PCSK5: variants seen among roughly 807,000 people sequenced by gnomAD.
PCSK5 encodes prohormone convertase 5.
Under a neutral mutation model 233.2 loss-of-function variants are expected in PCSK5, and 129 were observed. That is an observed-to-expected ratio of 0.55 (90% CI 0.48 to 0.64). PCSK5 has a LOEUF of 0.64. Among genes scored for constraint, PCSK5 ranks in the 30% least tolerant of loss-of-function variants. PCSK5 has a pLI of 0.00. For missense variants in PCSK5, 2,076 were observed against 2,430.1 expected (o/e 0.85, Z 3.06); for synonymous variants, 825 against 879.2 (o/e 0.94, Z 1.09).
intron 22 of PCSK5, 115 bp downstream of exon 22, chr9:76,233,711 A>G: frequency 1.1e-6 from 1 of 917,934 alleles, no homozygotes; most frequent in East Asian, 2.4e-5. Flanking sequence ...AAGATCAGAC[A>G]GCTGTTCACT....
chr9:76,352,168 C>T (rs1386719666), intron 36 of PCSK5, among the ~76,000 whole-genome samples: 10 of 152,132 alleles, frequency 6.6e-5, no homozygotes, highest in East Asian at 1.9e-4. Context: ...CTTAATGATA[C>T]GCTAAACAAA....
chr9:76,076,048 G>C (rs1323744593), intron 7 of PCSK5, among the ~76,000 whole-genome samples: 1 of 152,198 alleles, frequency 6.6e-6, no homozygotes, highest in Non-Finnish European at 1.5e-5. Context: ...AGCTGCCTTA[G>C]TTAGGGAAGA....
chr9:76,318,888 G>GA (rs892546012), intron 30 of PCSK5, among the ~76,000 whole-genome samples: 1 of 151,872 alleles, frequency 6.6e-6, no homozygotes, highest in Admixed American at 6.6e-5. Flanking sequence ...CTAACAAAAA[G>GA]AAAAAAATAA....
intron 24 of PCSK5, among the ~76,000 whole-genome samples, chr9:76,263,826 G>A (rs1012497568): frequency 6.6e-6 from 1 of 151,626 alleles, no homozygotes; most frequent in African/African-American, 2.4e-5. Context: ...CAAACAAATG[G>A]AAAAATATCC....
At chr9:76,335,350 A>G (rs1002917061) in intron 34 of PCSK5, among the ~76,000 whole-genome samples, 1 of 152,246 alleles carries the variant, frequency 6.6e-6, no homozygotes, top group African/African-American at 2.4e-5. Flanking sequence ...TTAATAAAGA[A>G]GAAATGGAAT....
At chr9:76,004,116 T>C (rs796853829) in intron 3 of PCSK5, among the ~76,000 whole-genome samples, 3 of 152,272 alleles carry the variant, frequency 2.0e-5, no homozygotes, top group African/African-American at 7.2e-5. Flanking sequence ...CTCTTTTAAC[T>C]ATTAATCTAG....
At chr9:76,325,477 T>C (rs565505010) in intron 32 of PCSK5, among the ~76,000 whole-genome samples, 1 of 152,282 alleles carries the variant, frequency 6.6e-6, no homozygotes, top group African/African-American at 2.4e-5. Context: ...GTAATTCTGA[T>C]GCTTAGTGTG....
intron 5 of PCSK5, among the ~76,000 whole-genome samples, chr9:76,056,027 GT>G (rs1829808384): frequency 6.6e-6 from 1 of 152,090 alleles, no homozygotes; most frequent in African/African-American, 2.4e-5. Flanking sequence ...GAAATAAATG[GT>G]TTTTGCTTAG....
rs183293586 is a variant in PCSK5 at position 75,951,150 on chromosome 9, C to T, written c.297+18667C>T. Among the ~76,000 whole-genome samples, 14 of 152,280 alleles carry T rather than the reference C, an allele frequency of 9.2e-5. No individual in the cohort carries two copies. In the East Asian group the frequency reaches 2.7e-3, roughly 29 times the overall value. On this transcript the variant is annotated intron_variant, in intron 2 of 37. Coordinates refer to ENST00000674117, the MANE Select transcript of PCSK5 (RefSeq NM_001372043.1). ...CACTGAATCTGAGATTGCTGAATTA[C>T]CCTGAGAGGGCAAAGGCTTCATATG...
intron 23 of PCSK5, 32 bp from the exon 24 acceptor site, chr9:76,240,584 G>A (rs1264949472): frequency 1.4e-6 from 2 of 1,441,030 alleles, no homozygotes; most frequent in East Asian, 4.8e-5. Flanking sequence ...CAATGGAAAT[G>A]AGTTGTGTTT....
rs79502679 is a variant in PCSK5 at position 76,058,248 on chromosome 9, G to A, written c.633-9707G>A. ...AGCCTAGGCAGGTACATGCATTTTC[G>A]AGAGTGAGCAACCAACCTCATCCAG... On this transcript the variant is annotated intron_variant, in intron 5 of 37. Coordinates refer to ENST00000674117, the MANE Select transcript of PCSK5 (RefSeq NM_001372043.1). Among the ~76,000 whole-genome samples the A allele has an allele frequency of 3.9e-4, 59 of 152,196 alleles. No individual in the cohort carries two copies. In the East Asian group the frequency reaches 0.011, roughly 28 times the overall value.
chr9:75,979,396 C>T (rs1424143993), intron 2 of PCSK5, among the ~76,000 whole-genome samples: 2 of 152,116 alleles, frequency 1.3e-5, no homozygotes, highest in Non-Finnish European at 2.9e-5. Flanking sequence ...GAGTTTATCA[C>T]CATTAGCTGA....
chr9:76,043,253 G>T (rs1392971399), intron 5 of PCSK5, among the ~76,000 whole-genome samples: 2 of 148,390 alleles, frequency 1.3e-5, no homozygotes, highest in South Asian at 4.3e-4. Flanking sequence ...GGAGAATGGC[G>T]TGTACCCGGG....
In PCSK5 at chr9:76,328,039, C is replaced by T. The variant is rs761738274; in HGVS notation, c.4370C>T (p.Ser1457Leu). 3.1e-6 allele frequency: 5 copies of T among 1,612,488 alleles called. No individual in the cohort carries two copies. The highest frequency in any genetic ancestry group is 4.2e-6 in the Non-Finnish European group (5 of 1,179,648). The change falls in exon 33 of 38, where the codon TCA becomes TTA. Residue 1457 changes from serine to leucine, a missense_variant. Physicochemically the swap from Ser to Leu is moderately radical, Grantham distance 145. This residue lies in a region of PCSK5 where 1,510 missense variants were observed against 1,538.1 expected (regional missense o/e 0.98). Coordinates refer to ENST00000674117, the MANE Select transcript of PCSK5 (RefSeq NM_001372043.1). ...DCHKSCLTCS[S>L]SGTCTTCQKG... ...CACAAGTCCTGCTTGACCTGCTCAT[C>T]ATCTGGGACCTGCACCACCTGTCAG...
chr9:76,080,687 C>T (rs530584578), intron 7 of PCSK5, among the ~76,000 whole-genome samples: 2 of 152,274 alleles, frequency 1.3e-5, no homozygotes, highest in African/African-American at 4.8e-5. Context: ...TAATTAGCCT[C>T]TCTGAGGATC....
chr9:75,920,036 G>A (rs989349745), intron 1 of PCSK5, among the ~76,000 whole-genome samples: 1 of 152,184 alleles, frequency 6.6e-6, no homozygotes, highest in Non-Finnish European at 1.5e-5. Context: ...GGGTATGGTG[G>A]CACATGCCTG....
At chr9:76,339,838 C>T (rs535072438) in intron 35 of PCSK5, among the ~76,000 whole-genome samples, 16 of 151,952 alleles carry the variant, frequency 1.1e-4, no homozygotes, top group Non-Finnish European at 1.8e-4. Flanking sequence ...CCACCGCACC[C>T]GGCCAATAAA....
At chr9:76,268,210 C>T (rs1392039729) in intron 24 of PCSK5, among the ~76,000 whole-genome samples, 3 of 152,198 alleles carry the variant, frequency 2.0e-5, no homozygotes, top group Non-Finnish European at 4.4e-5. Flanking sequence ...TCTCAGATTG[C>T]CTTTGAAAAG....
rs763230045 is a variant in PCSK5, at chr9:76,175,310, T to TAGAAC, written c.1900+191_1900+195dup. ...TCGAATCGAATAGAATAGAATAGAA[T>TAGAAC]AGAACAGAACAGAATAGAATAGAAC... is the stretch of plus-strand genomic sequence containing the variant. On this transcript the variant is annotated intron_variant, in intron 14 of 37. Coordinates refer to ENST00000674117, the MANE Select transcript of PCSK5 (RefSeq NM_001372043.1). 1.3e-4 allele frequency: 62 copies of TAGAAC among 493,326 alleles called. 1 individual carries two copies. The highest frequency in any genetic ancestry group is 7.9e-4 in the South Asian group (32 of 40,260). The allele number at this position is 493,326 out of a possible 1,614,324, so 30.6% of individuals were successfully genotyped here.
Sources: allele counts gnomAD v4.1 joint callset (sites outside exome capture counted in the v4.1 genomes callset), GRCh38; gene constraint gnomAD v4.1.1; regional missense constraint gnomAD v4.1.1; transcripts MANE v1.5; gene names NCBI Gene and HGNC (gene_info 2026-07-23, HGNC 2026-07-21).